The following MCF2L2 variants were observed in gnomAD, a reference collection of about 807,000 sequenced individuals.
MCF2L2 encodes the protein probable guanine nucleotide exchange factor MCF2L2.
A neutral mutation model predicts 150.2 loss-of-function variants in MCF2L2; 102 were observed. The observed-to-expected ratio is 0.68, with a 90% CI of 0.58 to 0.80. The LOEUF (loss-of-function observed/expected upper bound fraction) is 0.80, where lower values mean the gene tolerates loss of function less well. Among genes scored for constraint, MCF2L2 ranks in the 30% least tolerant of loss-of-function variants. The probability of loss-of-function intolerance (pLI) is 0.00; values close to 1 mark genes in which losing one functional copy is unlikely to be tolerated. For missense variants in MCF2L2, 1,256 were observed against 1,372.8 expected (o/e 0.91, Z 1.34); for synonymous variants, 465 against 491.3 (o/e 0.95, Z 0.71).
chr3:183,181,145 G>T lies in MCF2L2; in HGVS notation c.3017-986C>A, dbSNP rs1160335737. On this transcript the variant is annotated intron_variant, in intron 27 of 29. Coordinates refer to ENST00000328913, the MANE Select transcript of MCF2L2 (RefSeq NM_015078.4). The surrounding 1 kb of genome is among the most constrained non-coding windows in gnomAD (Gnocchi z 4.3). ...GGACTGGAGAGGGAGGGCATTCTGG[G>T]CAGAGGCATGGCCAGAGGGCGGTAG... 1.3e-5 allele frequency among the ~76,000 whole-genome samples: 2 copies of T among 152,244 alleles called. No individual in the cohort carries two copies. The highest frequency in any genetic ancestry group is 4.8e-5 in the African/African-American group (2 of 41,474).
chr3:183,354,446 C>T (rs563707695), intron 3 of MCF2L2, among the ~76,000 whole-genome samples: 67 of 152,282 alleles, frequency 4.4e-4, no homozygotes, highest in African/African-American at 1.6e-3. Flanking sequence ...AAGCCTGCTA[C>T]ATACCAAGAA....
At chr3:183,390,378 A>G (rs1714075015) in intron 1 of MCF2L2, among the ~76,000 whole-genome samples, 1 of 152,132 alleles carries the variant, frequency 6.6e-6, no homozygotes, top group Admixed American at 6.5e-5. Context: ...GATTCTCCTA[A>G]CTGAATAATA....
intron 14 of MCF2L2, among the ~76,000 whole-genome samples, chr3:183,285,831 C>T (rs2108473372): frequency 6.6e-6 from 1 of 152,202 alleles, no homozygotes; most frequent in Non-Finnish European, 1.5e-5. Flanking sequence ...TCTGTAGGTC[C>T]ACATTTAGGA....
intron 14 of MCF2L2, among the ~76,000 whole-genome samples, chr3:183,287,145 ACTGT>A (rs1727840560): frequency 6.6e-6 from 1 of 152,288 alleles, no homozygotes. Flanking sequence ...CTGCTCCTAC[ACTGT>A]CTATGTTTCT....
chr3:183,273,904 C>T (rs1264217070), intron 15 of MCF2L2, among the ~76,000 whole-genome samples: 1 of 152,026 alleles, frequency 6.6e-6, no homozygotes, highest in Non-Finnish European at 1.5e-5. Context: ...GTTTGCACAT[C>T]GATGTGGTCA....
chr3:183,415,079 G>C (rs1484821585), intron 1 of MCF2L2, among the ~76,000 whole-genome samples: 1 of 152,122 alleles, frequency 6.6e-6, no homozygotes, highest in African/African-American at 2.4e-5. Context: ...TTGATTTACA[G>C]TGTTGTGTAG....
At chr3:183,266,046 G>A (rs760587444) in intron 15 of MCF2L2, 2 of 152,158 alleles carry the variant, frequency 1.3e-5, no homozygotes, top group Non-Finnish European at 2.9e-5. Flanking sequence ...CATGTTGAGG[G>A]TGGGGACAAA....
At chr3:183,362,942 C>T (rs1267868750) in intron 3 of MCF2L2, among the ~76,000 whole-genome samples, 1 of 152,010 alleles carries the variant, frequency 6.6e-6, no homozygotes, top group Non-Finnish European at 1.5e-5. Flanking sequence ...ACTGTTAAAA[C>T]TCAACAATAA....
intron 4 of MCF2L2, 143 bp downstream of exon 4, chr3:183,341,397 A>G: frequency 1.5e-6 from 1 of 654,368 alleles, no homozygotes; most frequent in Admixed American, 2.3e-5. Context: ...GGAGATAGGG[A>G]TGTGACATAA....
intron 1 of MCF2L2, among the ~76,000 whole-genome samples, chr3:183,416,431 G>A (rs1715590825): frequency 6.6e-6 from 1 of 152,042 alleles, no homozygotes; most frequent in African/African-American, 2.4e-5. Context: ...CTGTGCTCTT[G>A]TTAAATATAT....
chr3:183,423,086 C>A (rs55713862), intron 1 of MCF2L2, among the ~76,000 whole-genome samples: 12,900 of 152,224 alleles, frequency 0.085, 571 homozygotes, highest in African/African-American at 0.095. Flanking sequence ...GAACACTAGG[C>A]ACAGTGTCTA....
At chr3:183,351,198 A>ATATATATG (rs1731106414) in intron 3 of MCF2L2, among the ~76,000 whole-genome samples, 1 of 57,268 alleles carries the variant, frequency 1.7e-5, no homozygotes, top group African/African-American at 8.5e-5. Flanking sequence ...AAGTATATAT[A>ATATATATG]TATATATATA....
At chr3:183,314,862 C>T (rs1397160276) in intron 7 of MCF2L2, among the ~76,000 whole-genome samples, 2 of 76,290 alleles carry the variant, frequency 2.6e-5, no homozygotes, top group Admixed American at 1.7e-4. Context: ...CAAAAACCTA[C>T]TAAGTTATTA....
intron 15 of MCF2L2, chr3:183,266,259 G>GGA: frequency 6.6e-6 from 1 of 152,238 alleles, no homozygotes; most frequent in African/African-American, 2.4e-5. Flanking sequence ...AACAACTGTA[G>GGA]GACGTGCAAA....
intron 20 of MCF2L2, among the ~76,000 whole-genome samples, 153 bp downstream of exon 20, chr3:183,223,193 G>A (rs928930733): frequency 1.3e-5 from 2 of 152,180 alleles, no homozygotes; most frequent in African/African-American, 4.8e-5. Flanking sequence ...GAAGAGGGCT[G>A]ATTTAGAGTT....
At chr3:183,351,220 A>ATATATG (rs1731115737) in intron 3 of MCF2L2, among the ~76,000 whole-genome samples, 1 of 87,418 alleles carries the variant, frequency 1.1e-5, no homozygotes, top group Non-Finnish European at 2.1e-5. Context: ...ATATATATAT[A>ATATATG]TATATATATA....
chr3:183,373,867 A>C (rs1713027775), intron 3 of MCF2L2: 1 of 152,064 alleles, frequency 6.6e-6, no homozygotes, highest in Admixed American at 6.6e-5. Context: ...TGAATTCCAC[A>C]CAGAATACTC....
intron 3 of MCF2L2, among the ~76,000 whole-genome samples, chr3:183,359,694 A>G (rs1712010191): frequency 6.6e-6 from 1 of 152,222 alleles, no homozygotes; most frequent in Non-Finnish European, 1.5e-5. Context: ...AACTCAGTAA[A>G]CTAAGGCACG....
chr3:183,205,892 T>G lies in MCF2L2; in HGVS notation c.2868A>C (p.Gln956His). Residue 956 changes from glutamine to histidine, a missense_variant, in exon 25 of 30, where the codon CAA (glutamine) becomes CAC (histidine). Physicochemically the swap from Gln to His is conservative, Grantham distance 24 (BLOSUM62 0). Coordinates refer to ENST00000328913, the MANE Select transcript of MCF2L2 (RefSeq NM_015078.4). ...GTAACCTACCTTTGATATTATTTTG[T>G]TGTTCCATCAATAATTTACTTATTT... is the stretch of plus-strand genomic sequence containing the variant. ...FSEISKLLMEQQNNIKDQGNP... is the reference protein window; with the variant it reads ...FSEISKLLMEHQNNIKDQGNP... The G allele has an allele frequency of 1.9e-6, 3 of 1,613,836 alleles. No homozygotes were observed. The highest frequency in any genetic ancestry group is 4.5e-5 in the East Asian group (2 of 44,882).
Sources: gnomAD v4.1 joint callset for allele counts (sites outside exome capture counted in the v4.1 genomes callset) on GRCh38, gnomAD v4.1.1 for gene constraint, Gnocchi (gnomAD v3.1) non-coding constraint, MANE v1.5 for transcripts, NCBI Gene and HGNC (gene_info 2026-07-23, HGNC 2026-07-21) for gene names.